EXOC4: variants seen among roughly 807,000 people sequenced by gnomAD.
EXOC4 encodes the protein SEC8-like 1.
In EXOC4, 71 loss-of-function variants were observed where a neutral mutation model predicts 107.2. That is an observed-to-expected ratio of 0.66 (90% confidence interval 0.55 to 0.81). The LOEUF is 0.81. EXOC4 is among the 30% of genes least tolerant of loss of function. The pLI is 0.00. For synonymous variants in EXOC4, 456 were observed against 441.2 expected, an observed-to-expected ratio of 1.03 and a Z score of -0.42; for missense variants, 1,108 against 1,189.6, an observed-to-expected ratio of 0.93 and a Z score of 1.01.
intron 1 of EXOC4, among the ~76,000 whole-genome samples, chr7:133,270,495 G>A (rs1221041140): frequency 1.3e-5 from 2 of 152,122 alleles, no homozygotes; most frequent in Non-Finnish European, 2.9e-5. Flanking sequence ...GAAGAAACTG[G>A]AGGTGTTTAA....
intron 10 of EXOC4, among the ~76,000 whole-genome samples, chr7:133,742,035 T>C (rs552795579): frequency 6.6e-6 from 1 of 152,254 alleles, no homozygotes; most frequent in African/African-American, 2.4e-5. Flanking sequence ...TGTGCTGTTG[T>C]TGTTATTATA....
chr7:134,082,564 C>T, the EXOC4 span, among the ~76,000 whole-genome samples: 1 of 152,202 alleles, frequency 6.6e-6, no homozygotes, highest in Non-Finnish European at 1.5e-5. Context: ...CCTCAGCCTC[C>T]AGAGTAGCTG....
the EXOC4 span, among the ~76,000 whole-genome samples, chr7:134,079,429 AGT>A: frequency 6.6e-6 from 1 of 152,148 alleles, no homozygotes; most frequent in Non-Finnish European, 1.5e-5. Flanking sequence ...ATTTGCAAAA[AGT>A]TGCTAAAGCC....
At chr7:133,458,929 T>C (rs1402040847) in intron 7 of EXOC4, among the ~76,000 whole-genome samples, 1 of 137,386 alleles carries the variant, frequency 7.3e-6, no homozygotes, top group African/African-American at 2.7e-5. Flanking sequence ...AAACCTGTAC[T>C]TAACCTTTAA....
intron 10 of EXOC4, among the ~76,000 whole-genome samples, chr7:133,750,978 T>A (rs905388739): frequency 3.3e-5 from 5 of 152,192 alleles, no homozygotes; most frequent in African/African-American, 1.2e-4. Flanking sequence ...CAGACGTTGT[T>A]TGTATTTCAC....
chr7:133,501,464 G>A (rs1288896506), intron 9 of EXOC4, among the ~76,000 whole-genome samples: 1 of 152,114 alleles, frequency 6.6e-6, no homozygotes, highest in Non-Finnish European at 1.5e-5. Context: ...TGACAAAAAC[G>A]AATCTTGACA....
chr7:133,771,844 G>A (rs976233041), intron 10 of EXOC4, among the ~76,000 whole-genome samples: 1 of 151,704 alleles, frequency 6.6e-6, no homozygotes, highest in Admixed American at 6.6e-5. Flanking sequence ...GGTATGGGAG[G>A]GAAACAGGGG....
At chr7:133,702,523 GC>G (rs1266411473) in intron 10 of EXOC4, among the ~76,000 whole-genome samples, 5 of 148,646 alleles carry the variant, frequency 3.4e-5, no homozygotes, top group Non-Finnish European at 5.9e-5. Context: ...TTTTTGAATT[GC>G]TATGTTGCCG....
chr7:133,637,928 T>G (rs1453843215), intron 10 of EXOC4, among the ~76,000 whole-genome samples: 1 of 152,134 alleles, frequency 6.6e-6, no homozygotes, highest in African/African-American at 2.4e-5. Context: ...AGTCAAGATA[T>G]CAACCCATGT....
At chr7:133,403,986 C>T (rs1797151504) in intron 7 of EXOC4, among the ~76,000 whole-genome samples, 1 of 152,166 alleles carries the variant, frequency 6.6e-6, no homozygotes, top group South Asian at 2.1e-4. Flanking sequence ...GGGCACTGGT[C>T]TCTCTCCCTG....
chr7:133,269,912 C>T (rs1412354682), intron 1 of EXOC4, among the ~76,000 whole-genome samples: 1 of 152,160 alleles, frequency 6.6e-6, no homozygotes, highest in Non-Finnish European at 1.5e-5. Context: ...AAAACTCCAT[C>T]TCTTTATCTC....
At chr7:133,267,757 C>A (rs1042755816) in intron 1 of EXOC4, among the ~76,000 whole-genome samples, 1 of 152,156 alleles carries the variant, frequency 6.6e-6, no homozygotes, top group Non-Finnish European at 1.5e-5. Flanking sequence ...ACTATTTGTT[C>A]TTTTCTACAG....
intron 7 of EXOC4, among the ~76,000 whole-genome samples, chr7:133,398,431 T>C (rs1797019072): frequency 6.6e-6 from 1 of 152,202 alleles, no homozygotes; most frequent in Non-Finnish European, 1.5e-5. Flanking sequence ...GTTTAGTTAC[T>C]TCCTTCCAGT....
intron 7 of EXOC4, among the ~76,000 whole-genome samples, chr7:133,474,705 C>T (rs1355103748): frequency 6.6e-5 from 10 of 152,132 alleles, no homozygotes; most frequent in East Asian, 1.9e-4. Context: ...GTCAGGACTT[C>T]GTAGCTTCCT....
chr7:133,320,822 A>T (rs1409685890), intron 5 of EXOC4, among the ~76,000 whole-genome samples: 1 of 152,252 alleles, frequency 6.6e-6, no homozygotes, highest in African/African-American at 2.4e-5. Flanking sequence ...AATGAGGAAG[A>T]TGTAAATTAT....
intron 11 of EXOC4, among the ~76,000 whole-genome samples, chr7:133,857,367 T>A (rs1346093933): frequency 2.4e-5 from 1 of 42,402 alleles, no homozygotes; most frequent in African/African-American, 6.8e-5. Context: ...ATATATATAT[T>A]TTACCTCTAC....
At chr7:133,679,369 C>A (rs1342944949) in intron 10 of EXOC4, among the ~76,000 whole-genome samples, 1 of 152,046 alleles carries the variant, frequency 6.6e-6, no homozygotes, top group Non-Finnish European at 1.5e-5. Context: ...CTTTTCAGTT[C>A]TCCCTCTTAT....
chr7:133,796,776 A>G (rs1365980805), intron 10 of EXOC4, among the ~76,000 whole-genome samples: 1 of 152,160 alleles, frequency 6.6e-6, no homozygotes, highest in East Asian at 1.9e-4. Context: ...AAGATTATTC[A>G]TAGTAATCTA....
chr7:133,823,953 G>C, intron 11 of EXOC4, among the ~76,000 whole-genome samples: 1 of 115,884 alleles, frequency 8.6e-6, no homozygotes. Context: ...ATATAGTTGA[G>C]GCTTTATTTA....
Sources: allele counts gnomAD v4.1 joint callset (sites outside exome capture counted in the v4.1 genomes callset), GRCh38; gene constraint gnomAD v4.1.1; transcripts MANE v1.5; gene names NCBI Gene and HGNC (gene_info 2026-07-23, HGNC 2026-07-21).